EFCAB10: variants seen among roughly 807,000 people sequenced by gnomAD.
The protein encoded by EFCAB10 is EF-hand calcium-binding domain-containing protein 10.
A neutral mutation model predicts 7.7 loss-of-function variants in EFCAB10; 7 were observed. That is an observed-to-expected ratio of 0.91 (90% CI 0.52 to 1.72). The LOEUF is 1.72. Among genes scored for constraint, EFCAB10 ranks in the 40% most tolerant of loss-of-function variants. The probability of loss-of-function intolerance (pLI) is 0.00; values close to 1 mark genes in which losing one functional copy is unlikely to be tolerated. For synonymous variants in EFCAB10, 52 were observed against 21.0 expected, an observed-to-expected ratio of 2.47 and a Z score of -4.03; for missense variants, 112 against 61.5, an observed-to-expected ratio of 1.82 and a Z score of -2.74.
At position 105,565,309 on chromosome 7, in the gene EFCAB10, C is replaced by G; in HGVS notation, c.*138G>C. On this transcript the variant is annotated 3_prime_UTR_variant, in exon 5 of 5. Coordinates refer to ENST00000480514, the MANE Select transcript of EFCAB10 (RefSeq NM_001355526.2). ...TCCTTGCCATCTCAGTCAGAGCAGG[C>G]AGTGATGTCCCTGTCCAGTTCGGCT... 6.2e-7 allele frequency: 1 copy of G among 1,613,014 alleles called. No homozygotes were observed. Among genetic ancestry groups the G allele is most frequent in the Non-Finnish European group, 8.5e-7 (1 of 1,179,104 alleles).
intron 1 of EFCAB10, among the ~76,000 whole-genome samples, chr7:105,579,101 TCA>T (rs1401206428): frequency 6.6e-6 from 1 of 152,168 alleles, no homozygotes; most frequent in African/African-American, 2.4e-5. Context: ...ATGTAGGAAC[TCA>T]CATTTTTATA....
intron 1 of EFCAB10, among the ~76,000 whole-genome samples, chr7:105,577,939 T>A (rs566675277): frequency 3.9e-5 from 6 of 152,190 alleles, no homozygotes; most frequent in Non-Finnish European, 8.8e-5. Flanking sequence ...TAATTTTGTA[T>A]TTTTAGTAGA....
chr7:105,580,782 A>C (rs1434955119), intron 1 of EFCAB10, among the ~76,000 whole-genome samples: 1 of 152,122 alleles, frequency 6.6e-6, no homozygotes, highest in East Asian at 1.9e-4. Flanking sequence ...TTTTCACCTA[A>C]ATATAACTTT....
At chr7:105,566,953 G>C in intron 4 of EFCAB10, 1 of 423,420 alleles carries the variant, frequency 2.4e-6, no homozygotes, top group Middle Eastern at 6.1e-4. Context: ...CTCTGCACCT[G>C]TGTAGTCTTA....
rs566188670 is a variant in EFCAB10 at position 105,580,715 on chromosome 7, G to C, written c.106+643C>G. 1.1e-4 allele frequency among the ~76,000 whole-genome samples: 16 copies of C among 152,136 alleles called. No homozygotes were observed. The South Asian group carries it at 3.1e-3, about 30-fold the overall frequency. ...AATGGACAATTTTGGCATTTCGGAC[G>C]CTCCATATGGAGGTCGGCAAATTAC... On this transcript the variant is annotated intron_variant, in intron 1 of 4. Coordinates refer to ENST00000480514, the MANE Select transcript of EFCAB10 (RefSeq NM_001355526.2).
chr7:105,581,329 T>C, intron 1 of EFCAB10, 29 bp downstream of exon 1: 1 of 702,598 alleles, frequency 1.4e-6, no homozygotes, highest in South Asian at 1.5e-5. Flanking sequence ...CATGGAGGTA[T>C]GGCTGTACCG....
At chr7:105,565,778 C>G in intron 4 of EFCAB10, 1 of 627,752 alleles carries the variant, frequency 1.6e-6, no homozygotes, top group Non-Finnish European at 2.8e-6. Context: ...CATTGTCTAT[C>G]TACTGTATGC....
At chr7:105,581,201 C>A (rs1277676958) in intron 1 of EFCAB10, among the ~76,000 whole-genome samples, 157 bp downstream of exon 1, 1 of 152,120 alleles carries the variant, frequency 6.6e-6, no homozygotes, top group Non-Finnish European at 1.5e-5. Flanking sequence ...TGTACTGCAG[C>A]CTGAGGGACT....
intron 4 of EFCAB10, chr7:105,566,997 ATATTTT>A (rs1210585981): frequency 2.0e-6 from 1 of 505,842 alleles, no homozygotes; most frequent in East Asian, 3.3e-5. Flanking sequence ...AAATCCATAA[ATATTTT>A]TATAGAGAAC....
At chr7:105,568,095 CTGTG>C in intron 3 of EFCAB10, among the ~76,000 whole-genome samples, 1 of 152,328 alleles carries the variant, frequency 6.6e-6, no homozygotes, top group East Asian at 1.9e-4. Context: ...TAGTTTCATT[CTGTG>C]TGACAGTGGG....
At chr7:105,567,810 T>C in intron 3 of EFCAB10, 1 of 262,236 alleles carries the variant, frequency 3.8e-6, no homozygotes, top group South Asian at 6.5e-5. Context: ...GGTAGGAGGA[T>C]TGCTTGAGGC....
chr7:105,568,398 C>T (rs1159453730), intron 3 of EFCAB10, among the ~76,000 whole-genome samples: 3 of 152,170 alleles, frequency 2.0e-5, no homozygotes, highest in African/African-American at 7.2e-5. Flanking sequence ...TCTGACTTAG[C>T]AGTGGGTTAG....
chr7:105,570,103 A>G (rs895743252), intron 1 of EFCAB10, among the ~76,000 whole-genome samples: 1 of 146,274 alleles, frequency 6.8e-6, no homozygotes, highest in East Asian at 2.1e-4. Context: ...AATCCCAGCT[A>G]CTCGGGAGGC....
intron 1 of EFCAB10, among the ~76,000 whole-genome samples, chr7:105,574,265 A>G (rs900737031): frequency 3.3e-5 from 5 of 150,890 alleles, no homozygotes; most frequent in African/African-American, 1.2e-4. Flanking sequence ...ATATATATAC[A>G]TATACACAGT....
chr7:105,570,385 A>T (rs531326663), intron 1 of EFCAB10, among the ~76,000 whole-genome samples: 1 of 150,334 alleles, frequency 6.7e-6, no homozygotes, highest in African/African-American at 2.4e-5. Context: ...CTAACAAAGC[A>T]ATTTGGATAA....
chr7:105,577,268 A>G (rs1411672045), intron 1 of EFCAB10, among the ~76,000 whole-genome samples: 1 of 152,102 alleles, frequency 6.6e-6, no homozygotes, highest in Non-Finnish European at 1.5e-5. Flanking sequence ...GTGCTGGAGG[A>G]AAAAAAGAAT....
chr7:105,565,470 A>C lies in EFCAB10; in HGVS notation c.*-23T>G, dbSNP rs864687. The C allele has an allele frequency of 0.068, 109,361 of 1,612,222 alleles. 4,761 individuals carry two copies. The highest frequency in any genetic ancestry group is 0.21 in the African/African-American group (16,056 of 74,920). ...CATCTACCAAGAAGTAAGTAAGAAT[A>C]GACTGTTTTTGGGCTGTGATAATAA... is the stretch of plus-strand genomic sequence containing the variant. On this transcript the variant is annotated intron_variant, in intron 4 of 4. Coordinates refer to ENST00000480514, the MANE Select transcript of EFCAB10 (RefSeq NM_001355526.2).
Position 105,574,262 on chromosome 7 carries a change from T to C in EFCAB10, c.107-4691A>G, listed in dbSNP as rs180687275. Among the ~76,000 whole-genome samples the C allele has an allele frequency of 1.0e-3, 155 of 150,136 alleles. 3 individuals carry two copies. The highest frequency in any genetic ancestry group is 5.6e-3 in the East Asian group (29 of 5,150). ...TATATACAGTATATATATATATATA[T>C]ACATATACACAGTATATATAAACAA... On this transcript the variant is annotated intron_variant, in intron 1 of 4. Transcript: ENST00000480514.
In EFCAB10 at chr7:105,578,382, A is replaced by C. The variant is rs536252515; in HGVS notation, c.106+2976T>G. Among the ~76,000 whole-genome samples, 52 of 152,214 alleles carry C rather than the reference A, an allele frequency of 3.4e-4. 2 individuals are homozygous for C. The highest frequency in any genetic ancestry group is 8.8e-5 in the Non-Finnish European group (6 of 68,042). On this transcript the variant is annotated intron_variant, in intron 1 of 4. Transcript: ENST00000480514. ...TCTGATAAAAATTATACAACATATCAAGATGTAAAGTAAATTAGAAAATCA... is the reference window on the plus strand; with the variant it reads ...TCTGATAAAAATTATACAACATATCCAGATGTAAAGTAAATTAGAAAATCA...
Sources: allele counts gnomAD v4.1 joint callset (sites outside exome capture counted in the v4.1 genomes callset), GRCh38; gene constraint gnomAD v4.1.1; transcripts MANE v1.5; gene names NCBI Gene and HGNC (gene_info 2026-07-23, HGNC 2026-07-21).